Variants in TMEM272 observed in about 807,000 individuals in gnomAD.
TMEM272 encodes long intergenic non-protein coding RNA 282.
A neutral mutation model predicts 3.7 loss-of-function variants in TMEM272; 8 were observed. The ratio of observed to expected loss-of-function variants is 2.17; its 90% CI spans 1.27 to 3.91. The LOEUF (loss-of-function observed/expected upper bound fraction) is 3.91. Ranked by LOEUF, TMEM272 falls within the 30% of genes most tolerant of loss-of-function variation. The pLI is 0.00. For missense variants in TMEM272, 166 were observed against 91.5 expected (o/e 1.81, Z -3.32); for synonymous variants, 63 against 39.8 (o/e 1.58, Z -2.20).
chr13:51,874,706 C>CGG, the TMEM272 span, among the ~76,000 whole-genome samples: 1 of 152,172 alleles, frequency 6.6e-6, no homozygotes, highest in Non-Finnish European at 1.5e-5. Context: ...GTGAGTCATA[C>CGG]GGGTGAATTC....
At chr13:51,914,002 G>C in the TMEM272 span, among the ~76,000 whole-genome samples, 1 of 152,250 alleles carries the variant, frequency 6.6e-6, no homozygotes, top group African/African-American at 2.4e-5. Flanking sequence ...ACATCTGTCA[G>C]GGAACAATTA....
At chr13:51,880,486 C>G in the TMEM272 span, among the ~76,000 whole-genome samples, 6 of 28,958 alleles carry the variant, frequency 2.1e-4, no homozygotes, top group Admixed American at 2.7e-3. Flanking sequence ...AATGATGAAA[C>G]ATACAGGGAA....
the TMEM272 span, among the ~76,000 whole-genome samples, chr13:51,891,116 C>T: frequency 1.3e-5 from 2 of 152,154 alleles, no homozygotes; most frequent in Non-Finnish European, 2.9e-5. Flanking sequence ...GGGGCCCACA[C>T]GGAATGTGCT....
At chr13:51,828,843 T>A (rs1213167174) in intron 2 of TMEM272, among the ~76,000 whole-genome samples, 1 of 152,206 alleles carries the variant, frequency 6.6e-6, no homozygotes, top group African/African-American at 2.4e-5. Context: ...TGTCTTCAAC[T>A]GAGTAAGCAG....
chr13:51,882,146 C>T, the TMEM272 span, among the ~76,000 whole-genome samples: 2 of 152,322 alleles, frequency 1.3e-5, no homozygotes, highest in Non-Finnish European at 2.9e-5. Context: ...ATTAGCCACT[C>T]ATTTATTCAT....
At chr13:51,888,435 C>T in the TMEM272 span, among the ~76,000 whole-genome samples, 1 of 152,068 alleles carries the variant, frequency 6.6e-6, no homozygotes, top group East Asian at 1.9e-4. Flanking sequence ...TCCATAAGCA[C>T]CTTCCAGGCT....
At chr13:51,909,807 A>G in the TMEM272 span, 5 of 1,587,682 alleles carry the variant, frequency 3.1e-6, no homozygotes, top group Non-Finnish European at 3.5e-6. Flanking sequence ...TTTGATCTTT[A>G]GCAAGCGTTC....
the TMEM272 span, among the ~76,000 whole-genome samples, chr13:51,882,017 G>A: frequency 1.3e-5 from 2 of 152,188 alleles, no homozygotes; most frequent in Admixed American, 1.3e-4. Flanking sequence ...AGAATTTAAA[G>A]ACAACGATAA....
At chr13:51,825,387 T>C (rs1318067180) in intron 3 of TMEM272, among the ~76,000 whole-genome samples, 6 of 152,170 alleles carry the variant, frequency 3.9e-5, no homozygotes, top group Non-Finnish European at 8.8e-5. Flanking sequence ...AAGAAACCAT[T>C]CTAAAGTGAA....
chr13:51,909,603 T>A, the TMEM272 span: 1 of 1,261,618 alleles, frequency 7.9e-7, no homozygotes, highest in Non-Finnish European at 1.2e-6. Context: ...CAACTTCAGA[T>A]AACTGAATAT....
chr13:51,928,516 T>C, the TMEM272 span, among the ~76,000 whole-genome samples: 3 of 152,196 alleles, frequency 2.0e-5, no homozygotes, highest in Non-Finnish European at 2.9e-5. Flanking sequence ...TAGGATGATC[T>C]GAGGGAGACG....
chr13:51,896,179 A>C, the TMEM272 span, among the ~76,000 whole-genome samples: 3 of 152,328 alleles, frequency 2.0e-5, 1 homozygote, highest in Middle Eastern at 0.01. Flanking sequence ...ATCTGTGGGA[A>C]ATGTAACTCT....
chr13:51,874,867 T>C, the TMEM272 span, among the ~76,000 whole-genome samples: 1 of 152,176 alleles, frequency 6.6e-6, no homozygotes, highest in Admixed American at 6.5e-5. Context: ...TCCTCCACAA[T>C]TTGAAATGAG....
chr13:51,831,767 T>C (rs10467513), intron 2 of TMEM272, among the ~76,000 whole-genome samples: 4,497 of 152,344 alleles, frequency 0.03, 225 homozygotes, highest in African/African-American at 0.1. Context: ...GCTGTTGCGA[T>C]TGCAGCGGCT....
At chr13:51,860,739 GTA>G in the TMEM272 span, among the ~76,000 whole-genome samples, 68,776 of 117,860 alleles carry the variant, frequency 0.58, 16,398 homozygotes, top group East Asian at 0.68. Context: ...ATGTGTGTGT[GTA>G]TATATATATA....
intron 4 of TMEM272, among the ~76,000 whole-genome samples, chr13:51,817,991 C>T (rs1456674967): frequency 6.6e-6 from 1 of 152,202 alleles, no homozygotes; most frequent in Non-Finnish European, 1.5e-5. Flanking sequence ...GTGGTCTTTG[C>T]TAAGGAATGC....
At chr13:51,827,260 A>C (rs745645215) in intron 2 of TMEM272, among the ~76,000 whole-genome samples, 22 of 152,332 alleles carry the variant, frequency 1.4e-4, no homozygotes, top group South Asian at 1.0e-3. Context: ...AGAACAGAGG[A>C]ATGGGGGCTA....
chr13:51,908,471 A>G, the TMEM272 span: 1,338 of 1,529,482 alleles, frequency 8.7e-4, 8 homozygotes, highest in East Asian at 0.016. Context: ...GAGGAGGTGG[A>G]GGGAAAGGAG....
At chr13:51,898,333 C>T in the TMEM272 span, among the ~76,000 whole-genome samples, 1 of 152,090 alleles carries the variant, frequency 6.6e-6, no homozygotes, top group Non-Finnish European at 1.5e-5. Flanking sequence ...TTTCTCCTGA[C>T]ACACTCCTGG....
Sources: gnomAD v4.1 joint callset for allele counts (sites outside exome capture counted in the v4.1 genomes callset) on GRCh38, gnomAD v4.1.1 for gene constraint, MANE v1.5 for transcripts, NCBI Gene and HGNC (gene_info 2026-07-23, HGNC 2026-07-21) for gene names.